The following TEX15 variants were observed in gnomAD, a reference collection of about 807,000 sequenced individuals.
TEX15 encodes testis-expressed protein 15.
Under a neutral mutation model 237.3 loss-of-function variants are expected in TEX15, and 171 were observed. The ratio of observed to expected loss-of-function variants is 0.72; its 90% CI spans 0.64 to 0.82. TEX15 has a LOEUF of 0.82. Among genes scored for constraint, TEX15 ranks in the 40% least tolerant of loss-of-function variants. The pLI, the probability that TEX15 is intolerant of heterozygous loss-of-function variation, is 0.00. For missense variants in TEX15, 3,750 were observed against 3,646.5 expected, an observed-to-expected ratio of 1.03 and a Z score of -0.73; for synonymous variants, 1,338 against 1,269.8, an observed-to-expected ratio of 1.05 and a Z score of -1.14.
chr8:30,837,575 T>C lies in TEX15; in HGVS notation c.8709A>G (p.Lys2903=). The C allele has an allele frequency of 6.2e-7, 1 of 1,614,110 alleles. No homozygotes were observed. The highest frequency in any genetic ancestry group is 8.5e-7 in the Non-Finnish European group (1 of 1,179,984). ...VLSKPIFCFV[K]DVHPDLEMND... ...TCATTTCTAGATCAGGATGGACATC[T>C]TTCACAAAACAGAAAATTGGCTTTG... The change falls in exon 10 of 11, where the codon AAA becomes AAG. Residue 2903 remains lysine, a synonymous_variant. Coordinates refer to ENST00000643185, the MANE Select transcript of TEX15 (RefSeq NM_001350162.2).
At chr8:30,912,138 C>T (rs1425323244) in intron 1 of TEX15, among the ~76,000 whole-genome samples, 3 of 152,222 alleles carry the variant, frequency 2.0e-5, no homozygotes, top group African/African-American at 7.2e-5. Flanking sequence ...GCCGCCCTCA[C>T]CTACCGAGGC....
chr8:30,871,411 CAAG>C (rs1165181101), intron 4 of TEX15, among the ~76,000 whole-genome samples: 2 of 152,056 alleles, frequency 1.3e-5, no homozygotes, highest in Non-Finnish European at 2.9e-5. Context: ...ATGATGGTCA[CAAG>C]AAGAAAGCTG....
At chr8:30,899,963 A>C (rs1257032708) in intron 1 of TEX15, among the ~76,000 whole-genome samples, 1 of 152,210 alleles carries the variant, frequency 6.6e-6, no homozygotes, top group Non-Finnish European at 1.5e-5. Flanking sequence ...AATATATTTA[A>C]AATGCTATGC....
chr8:30,856,481 G>A (rs1255590276), intron 7 of TEX15, among the ~76,000 whole-genome samples: 1 of 152,056 alleles, frequency 6.6e-6, no homozygotes, highest in East Asian at 1.9e-4. Flanking sequence ...TTGAGCTTGG[G>A]AGGCGGAGGC....
intron 5 of TEX15, among the ~76,000 whole-genome samples, chr8:30,862,529 G>A (rs1808072665): frequency 6.6e-6 from 1 of 151,832 alleles, no homozygotes; most frequent in Admixed American, 6.6e-5. Context: ...TGGGCTTTTT[G>A]GACTTTTTAC....
intron 2 of TEX15, among the ~76,000 whole-genome samples, chr8:30,890,207 C>G (rs536330963): frequency 6.6e-6 from 1 of 151,462 alleles, no homozygotes; most frequent in South Asian, 2.1e-4. Context: ...CAAGAGTTTG[C>G]TAACAATTTA....
chr8:30,896,314 A>G (rs916175800), intron 2 of TEX15, among the ~76,000 whole-genome samples: 1 of 152,210 alleles, frequency 6.6e-6, no homozygotes, highest in African/African-American at 2.4e-5. Flanking sequence ...TTTATTTAAA[A>G]TGGTTATTAG....
chr8:30,862,064 G>A (rs1339185484), intron 5 of TEX15, among the ~76,000 whole-genome samples: 1 of 152,094 alleles, frequency 6.6e-6, no homozygotes, highest in Non-Finnish European at 1.5e-5. Context: ...GGATGGAAAT[G>A]TCAATTAGTG....
intron 7 of TEX15, among the ~76,000 whole-genome samples, chr8:30,855,308 C>G (rs1416210383): frequency 6.6e-6 from 1 of 151,906 alleles, no homozygotes; most frequent in African/African-American, 2.4e-5. Context: ...GAACAATACA[C>G]TAATAAAATA....
At chr8:30,896,431 C>T (rs1808907678) in intron 2 of TEX15, among the ~76,000 whole-genome samples, 1 of 152,024 alleles carries the variant, frequency 6.6e-6, no homozygotes, top group African/African-American at 2.4e-5. Context: ...GAAGATGAAC[C>T]ATCTATTCAG....
At chr8:30,852,227 CT>C (rs1226865449) in intron 7 of TEX15, among the ~76,000 whole-genome samples, 1 of 149,402 alleles carries the variant, frequency 6.7e-6, no homozygotes, top group African/African-American at 2.5e-5. Flanking sequence ...GCCTCAGCCT[CT>C]CCGAGTAGCT....
intron 2 of TEX15, among the ~76,000 whole-genome samples, chr8:30,896,031 G>A (rs1396599439): frequency 3.9e-5 from 6 of 152,078 alleles, no homozygotes; most frequent in Non-Finnish European, 8.8e-5. Context: ...GACTTGTGAA[G>A]TTCTTTCATT....
At chr8:30,903,114 T>G (rs932717567) in intron 1 of TEX15, among the ~76,000 whole-genome samples, 2 of 152,188 alleles carry the variant, frequency 1.3e-5, no homozygotes, top group Non-Finnish European at 2.9e-5. Flanking sequence ...CTCAAAGATT[T>G]CCATGATTTT....
At chr8:30,887,356 A>C in intron 2 of TEX15, 45 bp from the exon 3 acceptor site, 1 of 1,458,590 alleles carries the variant, frequency 6.9e-7, no homozygotes, top group Non-Finnish European at 9.1e-7. Flanking sequence ...CAATAAATAC[A>C]TAAAAGGCAA....
At chr8:30,864,348 A>G (rs1808112653) in intron 5 of TEX15, among the ~76,000 whole-genome samples, 1 of 151,692 alleles carries the variant, frequency 6.6e-6, no homozygotes, top group South Asian at 2.1e-4. Flanking sequence ...GCGTAAGAAC[A>G]TATATGCTGT....
At chr8:30,852,100 C>A (rs1177528626) in intron 7 of TEX15, among the ~76,000 whole-genome samples, 1 of 90,422 alleles carries the variant, frequency 1.1e-5, no homozygotes. Context: ...TTAATTTAAT[C>A]TTTTTTTTTT....
intron 4 of TEX15, among the ~76,000 whole-genome samples, chr8:30,873,235 C>A (rs909950418): frequency 4.6e-5 from 7 of 152,128 alleles, no homozygotes; most frequent in Admixed American, 2.0e-4. Context: ...ACATCTTTAT[C>A]CCCTGTTAAA....
chr8:30,834,829 G>A (rs868495115), intron 10 of TEX15, among the ~76,000 whole-genome samples: 1 of 152,150 alleles, frequency 6.6e-6, no homozygotes, highest in Non-Finnish European at 1.5e-5. Flanking sequence ...TAACTCCAAA[G>A]CAGAGGAGCT....
chr8:30,859,836 T>G, intron 6 of TEX15, 75 bp downstream of exon 6: 1 of 1,111,730 alleles, frequency 9.0e-7, no homozygotes, highest in Non-Finnish European at 1.2e-6. Context: ...CATTTAACAT[T>G]TTGGGAATTT....
Sources: allele counts gnomAD v4.1 joint callset (sites outside exome capture counted in the v4.1 genomes callset), GRCh38; gene constraint gnomAD v4.1.1; transcripts MANE v1.5; gene names NCBI Gene and HGNC (gene_info 2026-07-23, HGNC 2026-07-21).